TANGO6: variants seen among roughly 807,000 people sequenced by gnomAD.
TANGO6 encodes transport and golgi organization 6 homolog, also known as transport and Golgi organization protein 6 homolog.
Under a neutral mutation model 114.2 loss-of-function variants are expected in TANGO6, and 90 were observed. The observed-to-expected ratio is 0.79, with a 90% CI of 0.66 to 0.94. The LOEUF (loss-of-function observed/expected upper bound fraction) is 0.94. Ranked by LOEUF, TANGO6 falls within the 40% of genes least tolerant of loss-of-function variation. The pLI is 0.00. For synonymous variants in TANGO6, 477 were observed against 509.8 expected, an observed-to-expected ratio of 0.94 and a Z score of 0.87; for missense variants, 1,274 against 1,315.3, an observed-to-expected ratio of 0.97 and a Z score of 0.49.
chr16:68,945,361 C>CT (rs1273557001), intron 14 of TANGO6, among the ~76,000 whole-genome samples: 4 of 151,888 alleles, frequency 2.6e-5, no homozygotes, highest in Admixed American at 1.3e-4. Context: ...TTTTAAATTT[C>CT]TTTTTTATTT....
chr16:68,960,959 T>A (rs775664618), intron 14 of TANGO6, among the ~76,000 whole-genome samples: 1 of 152,244 alleles, frequency 6.6e-6, no homozygotes, highest in Non-Finnish European at 1.5e-5. Context: ...TTCTTTCATA[T>A]GGCTTTTCCG....
chr16:69,060,207 G>A (rs952610952), intron 17 of TANGO6, among the ~76,000 whole-genome samples: 10 of 152,042 alleles, frequency 6.6e-5, no homozygotes, highest in Admixed American at 5.2e-4. Context: ...TAATAGAGAT[G>A]AGGTTTCACC....
intron 16 of TANGO6, among the ~76,000 whole-genome samples, chr16:69,036,812 A>G (rs1475482252): frequency 6.6e-6 from 1 of 151,910 alleles, no homozygotes; most frequent in Non-Finnish European, 1.5e-5. Flanking sequence ...AAACTACACA[A>G]ATTAGCTATG....
At chr16:68,978,703 C>G (rs534901600) in intron 15 of TANGO6, among the ~76,000 whole-genome samples, 1 of 152,090 alleles carries the variant, frequency 6.6e-6, no homozygotes, top group African/African-American at 2.4e-5. Flanking sequence ...CCACCCCTAC[C>G]TCTTCTCTGC....
At chr16:68,999,135 G>T (rs112381112) in intron 15 of TANGO6, among the ~76,000 whole-genome samples, 7,567 of 152,112 alleles carry the variant, frequency 0.05, 223 homozygotes, top group Non-Finnish European at 0.07. Context: ...CTCCCACCTC[G>T]GCTTCCCAAT....
intron 14 of TANGO6, among the ~76,000 whole-genome samples, chr16:68,947,825 C>T (rs1032026290): frequency 2.0e-5 from 3 of 152,032 alleles, no homozygotes; most frequent in East Asian, 1.9e-4. Flanking sequence ...CTCCTGACCT[C>T]AGGTGATCCG....
chr16:68,859,768 C>T lies in TANGO6; in HGVS notation c.95-116C>T, dbSNP rs1962059213. 2.5e-6 allele frequency: 3 copies of T among 1,222,208 alleles called. No homozygotes were observed. In the East Asian group the frequency reaches 7.7e-5, roughly 31 times the overall value. The allele number at this position is 1,222,208 out of a possible 1,614,324, so 75.7% of individuals were successfully genotyped here. ...ACCCCTGGGGGAGGCTTTCCAGAGCCAGTGACAGTGGCGCCCGGCCTGCGA... is the reference window on the plus strand; with the variant it reads ...ACCCCTGGGGGAGGCTTTCCAGAGCTAGTGACAGTGGCGCCCGGCCTGCGA... On this transcript the variant is annotated intron_variant, in intron 1 of 17. Transcript: ENST00000261778.
intron 15 of TANGO6, among the ~76,000 whole-genome samples, chr16:69,014,909 A>AG (rs1213740010): frequency 6.6e-6 from 1 of 151,974 alleles, no homozygotes; most frequent in East Asian, 1.9e-4. Flanking sequence ...AAAAAAAAAA[A>AG]AAGAAAAAGA....
At chr16:69,026,025 A>C (rs1447811330) in intron 16 of TANGO6, 1 of 150,712 alleles carries the variant, frequency 6.6e-6, no homozygotes, top group Non-Finnish European at 1.5e-5. Context: ...TTCTTGAGAC[A>C]GAGTTTCACT....
At chr16:69,067,339 T>C (rs537738062) in intron 17 of TANGO6, among the ~76,000 whole-genome samples, 16 of 150,202 alleles carry the variant, frequency 1.1e-4, no homozygotes, top group African/African-American at 3.4e-4. Flanking sequence ...TGAAACCCCA[T>C]CTCTACTAAA....
intron 16 of TANGO6, among the ~76,000 whole-genome samples, chr16:69,027,535 TGG>T (rs1959522688): frequency 6.6e-6 from 1 of 152,152 alleles, no homozygotes. Flanking sequence ...CTGTTTTAGA[TGG>T]ATTTAGCAAA....
intron 14 of TANGO6, among the ~76,000 whole-genome samples, chr16:68,934,497 G>T (rs1167334950): frequency 2.0e-5 from 3 of 152,190 alleles, no homozygotes; most frequent in African/African-American, 7.2e-5. Context: ...AACTAGGTGA[G>T]AACGAAAGCT....
intron 17 of TANGO6, among the ~76,000 whole-genome samples, chr16:69,044,478 C>T (rs899280543): frequency 6.6e-6 from 1 of 152,076 alleles, no homozygotes; most frequent in African/African-American, 2.4e-5. Context: ...AGGTGATGCA[C>T]ACGATAAGTT....
intron 12 of TANGO6, among the ~76,000 whole-genome samples, chr16:68,923,923 A>G (rs1242389948): frequency 6.6e-6 from 1 of 152,192 alleles, no homozygotes; most frequent in Non-Finnish European, 1.5e-5. Context: ...GGGCACACCC[A>G]TGGGAGTGTT....
intron 15 of TANGO6, among the ~76,000 whole-genome samples, chr16:68,988,055 T>G (rs550483688): frequency 1.3e-5 from 2 of 152,226 alleles, no homozygotes; most frequent in African/African-American, 2.4e-5. Context: ...GAACCTCTCT[T>G]GACCCCACAT....
intron 1 of TANGO6, among the ~76,000 whole-genome samples, chr16:68,858,768 C>G (rs1483632475): frequency 6.6e-6 from 1 of 152,160 alleles, no homozygotes; most frequent in Non-Finnish European, 1.5e-5. Flanking sequence ...CAGATGTCAG[C>G]CACTGTGCCT....
intron 17 of TANGO6, among the ~76,000 whole-genome samples, chr16:69,041,253 C>G (rs1450259327): frequency 6.6e-6 from 1 of 151,950 alleles, no homozygotes; most frequent in African/African-American, 2.4e-5. Flanking sequence ...TCGAGACCAG[C>G]CTGACCAACA....
intron 4 of TANGO6, among the ~76,000 whole-genome samples, chr16:68,874,886 G>A (rs1021254655): frequency 2.6e-5 from 4 of 152,086 alleles, no homozygotes; most frequent in Admixed American, 1.3e-4. Context: ...GCAGGAAGAG[G>A]TTGCAGTGAG....
chr16:68,887,641 C>A (rs922742943), intron 7 of TANGO6, among the ~76,000 whole-genome samples: 2 of 152,128 alleles, frequency 1.3e-5, no homozygotes, highest in African/African-American at 4.8e-5. Flanking sequence ...CTTTGGGAGG[C>A]CAAGGCGGGC....
Sources: allele counts gnomAD v4.1 joint callset (sites outside exome capture counted in the v4.1 genomes callset), GRCh38; gene constraint gnomAD v4.1.1; transcripts MANE v1.5; gene names NCBI Gene and HGNC (gene_info 2026-07-23, HGNC 2026-07-21).